YES1: variants seen among roughly 807,000 people sequenced by gnomAD.
The protein encoded by YES1 is tyrosine-protein kinase Yes.
In YES1, 39 loss-of-function variants were observed where a neutral mutation model predicts 70.4. The ratio of observed to expected loss-of-function variants is 0.55; its 90% CI spans 0.43 to 0.72. YES1 has a LOEUF of 0.72. Ranked by LOEUF, YES1 falls within the 30% of genes least tolerant of loss-of-function variation. YES1 has a pLI of 0.00. For synonymous variants in YES1, 198 were observed against 218.6 expected, an observed-to-expected ratio of 0.91 and a Z score of 0.83; for missense variants, 495 against 644.8, an observed-to-expected ratio of 0.77 and a Z score of 2.52.
At chr18:788,786 CATG>C (rs940719207) in intron 1 of YES1, among the ~76,000 whole-genome samples, 4 of 152,132 alleles carry the variant, frequency 2.6e-5, no homozygotes, top group African/African-American at 4.8e-5. Flanking sequence ...ATTAGCCAGA[CATG>C]GTGGTGTGCG....
intron 1 of YES1, among the ~76,000 whole-genome samples, chr18:771,298 C>G (rs554940836): frequency 5.4e-4 from 82 of 151,586 alleles, no homozygotes; most frequent in Non-Finnish European, 9.3e-4. Flanking sequence ...ACCTAGGAGG[C>G]GGAGGTTGCA....
At chr18:812,385 TGC>T (rs1907456762), upstream of YES1, 1 of 145,840 alleles carries the variant, frequency 6.9e-6, no homozygotes, top group African/African-American at 2.5e-5. Context: ...TGCGGGTACC[TGC>T]GCGCGCCGCC....
At chr18:758,972 A>G (rs891448037) in intron 1 of YES1, among the ~76,000 whole-genome samples, 1 of 152,200 alleles carries the variant, frequency 6.6e-6, no homozygotes, top group Non-Finnish European at 1.5e-5. Context: ...CCTTTCTATG[A>G]CATTCAAAAG....
At chr18:802,041 T>C (rs1906851650) in intron 1 of YES1, among the ~76,000 whole-genome samples, 1 of 152,250 alleles carries the variant, frequency 6.6e-6, no homozygotes, top group East Asian at 1.9e-4. Context: ...ATTTAATATC[T>C]GACCTTAATT....
chr18:746,358 G>A (rs2080280967), intron 4 of YES1, among the ~76,000 whole-genome samples: 1 of 152,152 alleles, frequency 6.6e-6, no homozygotes, highest in African/African-American at 2.4e-5. Context: ...TTCTGTCAGT[G>A]ACAAATGGAA....
chr18:802,836 A>G (rs771153600), intron 1 of YES1, among the ~76,000 whole-genome samples: 1 of 152,016 alleles, frequency 6.6e-6, no homozygotes, highest in Non-Finnish European at 1.5e-5. Flanking sequence ...TAATCCTAGC[A>G]CTTCGGGAGG....
At chr18:793,097 T>C (rs1395355985) in intron 1 of YES1, among the ~76,000 whole-genome samples, 3 of 150,828 alleles carry the variant, frequency 2.0e-5, no homozygotes, top group Admixed American at 6.6e-5. Flanking sequence ...TGGAGTGCAG[T>C]GGTGCGATCT....
At position 723,244 on chromosome 18, in the gene YES1, A is replaced by C. The variant is rs562808703; in HGVS notation, c.*1180T>G. 1 of 152,612 alleles carries C rather than the reference A, an allele frequency of 6.6e-6. No individual in the cohort carries two copies. The highest frequency in any genetic ancestry group is 2.1e-4 in the South Asian group (1 of 4,828). 9.5% of individuals were successfully genotyped at this position (152,612 alleles called of 1,614,324 possible). Reference sequence around the variant, plus strand: ...ACAAATACCCATTTAGTGTGTAAGAAAAATTAGTTTTATAGTTATACTTTA... The same window carrying C: ...ACAAATACCCATTTAGTGTGTAAGACAAATTAGTTTTATAGTTATACTTTA... On this transcript the variant is annotated 3_prime_UTR_variant, in exon 12 of 12. Coordinates refer to ENST00000314574, the MANE Select transcript of YES1 (RefSeq NM_005433.4).
At chr18:789,173 T>C (rs1264162279) in intron 1 of YES1, among the ~76,000 whole-genome samples, 1 of 152,160 alleles carries the variant, frequency 6.6e-6, no homozygotes, top group African/African-American at 2.4e-5. Flanking sequence ...CTATAAAACC[T>C]AAGGAAATGG....
intron 6 of YES1, among the ~76,000 whole-genome samples, chr18:745,054 T>C (rs568831791): frequency 1.4e-4 from 21 of 152,246 alleles, no homozygotes; most frequent in Non-Finnish European, 2.8e-4. Flanking sequence ...GCTGACTTGA[T>C]AGACTCAGTT....
intron 1 of YES1, among the ~76,000 whole-genome samples, chr18:764,496 A>G (rs1904767140): frequency 6.6e-6 from 1 of 152,190 alleles, no homozygotes; most frequent in Non-Finnish European, 1.5e-5. Flanking sequence ...TGCTGGGATT[A>G]CAGGCGTGAG....
chr18:775,135 T>C (rs1386068541), intron 1 of YES1: 15 of 152,088 alleles, frequency 9.9e-5, no homozygotes, highest in Admixed American at 9.8e-4. Context: ...AAAGTAAACC[T>C]CATAGAGTTG....
At chr18:734,111 T>C (rs2080123390) in intron 10 of YES1, among the ~76,000 whole-genome samples, 1 of 151,926 alleles carries the variant, frequency 6.6e-6, no homozygotes. Context: ...AAACCCTGTC[T>C]GTACCAAAAA....
intron 1 of YES1, among the ~76,000 whole-genome samples, chr18:792,563 ATATGTGTGTGTG>A (rs921188462): frequency 6.7e-5 from 7 of 104,528 alleles, no homozygotes; most frequent in African/African-American, 2.7e-4. Flanking sequence ...CTCCCTCTGT[ATATGTGTGTGTG>A]TGTGTGTGTG....
chr18:770,268 CTT>C (rs11324966), intron 1 of YES1, among the ~76,000 whole-genome samples: 1,467 of 140,094 alleles, frequency 0.01, 14 homozygotes, highest in African/African-American at 0.027. Context: ...GCCCTTTTAT[CTT>C]TTTTTTTTTT....
intron 1 of YES1, among the ~76,000 whole-genome samples, chr18:795,976 CAG>C (rs1906526940): frequency 1.3e-5 from 2 of 150,068 alleles, no homozygotes; most frequent in African/African-American, 4.9e-5. Context: ...AACAAAAGTT[CAG>C]AGTCTATATA....
In YES1 at chr18:743,906, G is replaced by GA. The variant is rs1032600928; in HGVS notation, c.725-492dup. ...GGGTGACACAGTGAGATTCTGACTC[G>GA]AAAAAAAAAAAAATATATATATATA... On this transcript the variant is annotated intron_variant, in intron 6 of 11. Transcript: ENST00000314574. Among the ~76,000 whole-genome samples the GA allele has an allele frequency of 4.4e-3, 506 of 113,794 alleles. 5 individuals carry two copies. The highest frequency in any genetic ancestry group is 0.015 in the African/African-American group (452 of 30,754). The allele number at this position is 113,794 out of a possible 152,430, so 74.7% of individuals were successfully genotyped here. A position where few individuals can be genotyped will look rare whatever the true frequency, so the allele number is the denominator to read the frequency against.
At chr18:748,088 T>C (rs2080301461) in intron 3 of YES1, 70 bp from the exon 4 acceptor site, 3 of 1,267,832 alleles carry the variant, frequency 2.4e-6, no homozygotes, top group Non-Finnish European at 3.4e-6. Context: ...TGCAGTGCTA[T>C]CTTGTATCTG....
intron 1 of YES1, among the ~76,000 whole-genome samples, chr18:801,175 AAAAT>A (rs1906801266): frequency 6.6e-6 from 1 of 151,990 alleles, no homozygotes; most frequent in South Asian, 2.1e-4. Flanking sequence ...AAATAAAAAT[AAAAT>A]AAAATTAGCC....
Sources: gnomAD v4.1 joint callset for allele counts (sites outside exome capture counted in the v4.1 genomes callset) on GRCh38, gnomAD v4.1.1 for gene constraint, MANE v1.5 for transcripts, NCBI Gene and HGNC (gene_info 2026-07-23, HGNC 2026-07-21) for gene names.